Variants in ACAD10 observed in about 807,000 individuals in gnomAD.
ACAD10 encodes ACAD-10.
ACAD10 carries 112 observed loss-of-function variants against 116.8 expected under a neutral mutation model. The observed-to-expected ratio is 0.96, with a 90% CI of 0.82 to 1.12. The LOEUF (loss-of-function observed/expected upper bound fraction) is 1.12, where lower values mean the gene tolerates loss of function less well. Among genes scored for constraint, ACAD10 ranks in the 50% most tolerant of loss-of-function variants. The pLI is 0.00. For missense variants in ACAD10, 1,259 were observed against 1,350.2 expected, an observed-to-expected ratio of 0.93 and a Z score of 1.06; for synonymous variants, 486 against 510.6, an observed-to-expected ratio of 0.95 and a Z score of 0.65.
At chr12:111,717,769 G>C (rs1160297733) in intron 7 of ACAD10, among the ~76,000 whole-genome samples, 1 of 151,954 alleles carries the variant, frequency 6.6e-6, no homozygotes, top group East Asian at 1.9e-4. Flanking sequence ...TATATTGCCT[G>C]AACTCTTGGC....
chr12:111,692,174 G>A (rs1055332619), intron 1 of ACAD10, among the ~76,000 whole-genome samples: 2 of 152,166 alleles, frequency 1.3e-5, no homozygotes, highest in Admixed American at 1.3e-4. Context: ...CTCCATGTTG[G>A]TCAGGCTGGT....
chr12:111,691,758 G>T (rs1051965348), intron 1 of ACAD10, among the ~76,000 whole-genome samples: 22 of 151,494 alleles, frequency 1.5e-4, no homozygotes, highest in Admixed American at 1.4e-3. Flanking sequence ...CCATGCCCAG[G>T]TTATTTTTGT....
At chr12:111,698,256 C>T (rs751880104) in intron 2 of ACAD10, among the ~76,000 whole-genome samples, 39 of 150,052 alleles carry the variant, frequency 2.6e-4, no homozygotes, top group Admixed American at 8.6e-4. Flanking sequence ...CCTCAGGGTT[C>T]CAAAGTGCTG....
chr12:111,756,033 A>G (rs1228687037), intron 20 of ACAD10: 6 of 997,544 alleles, frequency 6.0e-6, no homozygotes, highest in African/African-American at 3.3e-5. Flanking sequence ...TTGGGTTTTC[A>G]TAAGCCCAGA....
intron 4 of ACAD10, among the ~76,000 whole-genome samples, chr12:111,708,574 C>A (rs1888578325): frequency 6.6e-6 from 1 of 152,078 alleles, no homozygotes; most frequent in East Asian, 1.9e-4. Context: ...TCTCACCCAA[C>A]CCAGAATGCA....
intron 8 of ACAD10, among the ~76,000 whole-genome samples, chr12:111,723,002 G>C (rs1323646952): frequency 1.3e-5 from 2 of 149,590 alleles, no homozygotes; most frequent in East Asian, 2.0e-4. Context: ...GGGGCGGGTG[G>C]CCGGGCGGGG....
chr12:111,744,557 T>C, intron 12 of ACAD10, 86 bp from the exon 13 acceptor site: 1 of 1,502,284 alleles, frequency 6.7e-7, no homozygotes, highest in Non-Finnish European at 9.0e-7. Context: ...TGGCAATAGC[T>C]GCTGAAGTGA....
At chr12:111,744,543 C>T (rs1889833372) in intron 12 of ACAD10, 100 bp from the exon 13 acceptor site, 1 of 1,441,352 alleles carries the variant, frequency 6.9e-7, no homozygotes, top group Admixed American at 2.0e-5. Context: ...AAGTGCTCAG[C>T]AAATGGCAAT....
chr12:111,721,162 T>C (rs630616), intron 7 of ACAD10, among the ~76,000 whole-genome samples: 27,258 of 152,198 alleles, frequency 0.18, 2,538 homozygotes, highest in East Asian at 0.28. Context: ...GGTCTACAAT[T>C]TCACCATTGG....
intron 8 of ACAD10, among the ~76,000 whole-genome samples, chr12:111,727,384 C>T (rs371943929): frequency 5.3e-5 from 8 of 151,932 alleles, no homozygotes; most frequent in South Asian, 4.1e-4. Flanking sequence ...ATTAGCCGGG[C>T]GTGGTGGCGG....
chr12:111,716,871 A>G (rs1888860468), intron 7 of ACAD10, among the ~76,000 whole-genome samples: 1 of 152,204 alleles, frequency 6.6e-6, no homozygotes. Context: ...AACAAACAAA[A>G]GAGTTTGGAA....
chr12:111,689,620 G>A (rs1463551701), intron 1 of ACAD10, among the ~76,000 whole-genome samples: 14 of 151,866 alleles, frequency 9.2e-5, no homozygotes, highest in Admixed American at 5.9e-4. Context: ...CAGGTGATCC[G>A]CCTACATTAG....
intron 1 of ACAD10, 33 bp from the exon 2 acceptor site, chr12:111,692,664 G>A: frequency 6.3e-7 from 1 of 1,585,368 alleles, no homozygotes; most frequent in South Asian, 1.2e-5. Flanking sequence ...GGCAGTGCAG[G>A]CAAGTAACGC....
At chr12:111,701,713 C>G (rs187717480) in intron 2 of ACAD10, among the ~76,000 whole-genome samples, 1 of 152,030 alleles carries the variant, frequency 6.6e-6, no homozygotes. Context: ...GCATTTCAGG[C>G]GAACATTTCA....
At chr12:111,710,277 A>T in intron 5 of ACAD10, 1 of 453,996 alleles carries the variant, frequency 2.2e-6, no homozygotes, top group Non-Finnish European at 4.4e-6. Flanking sequence ...TTGTAGAGAC[A>T]GGGTTTTGCC....
chr12:111,686,918 A>G (rs1341516573), intron 1 of ACAD10, among the ~76,000 whole-genome samples: 3 of 152,204 alleles, frequency 2.0e-5, no homozygotes, highest in African/African-American at 4.8e-5. Context: ...GCAGTTGTGC[A>G]GTCTTGAACT....
At chr12:111,714,966 T>C (rs1481200211) in intron 6 of ACAD10, among the ~76,000 whole-genome samples, 1 of 152,168 alleles carries the variant, frequency 6.6e-6, no homozygotes, top group African/African-American at 2.4e-5. Flanking sequence ...TCTACCCGCC[T>C]TGGCCTCCCA....
chr12:111,697,586 T>G (rs970357621), intron 2 of ACAD10, among the ~76,000 whole-genome samples: 1 of 142,764 alleles, frequency 7.0e-6, no homozygotes, highest in South Asian at 2.2e-4. Flanking sequence ...GTCTCTCTCT[T>G]TTTTTTTTTT....
Position 111,756,506 on chromosome 12 carries a change from C to A in ACAD10, c.*33C>A. On this transcript the variant is annotated 3_prime_UTR_variant, in exon 21 of 21. Coordinates refer to ENST00000313698, the MANE Select transcript of ACAD10 (RefSeq NM_025247.6). ...GGGCTGCAGTGGCTCAATGTCCTGGCTGGTCCAGCTGTGCCCAGATCTGTC... is the reference window on the plus strand; with the variant it reads ...GGGCTGCAGTGGCTCAATGTCCTGGATGGTCCAGCTGTGCCCAGATCTGTC... The A allele has an allele frequency of 3.1e-6, 5 of 1,606,132 alleles. No homozygotes were observed. Among genetic ancestry groups the A allele is most frequent in the Non-Finnish European group, 4.2e-6 (5 of 1,178,366 alleles).
Sources: gnomAD v4.1 joint callset for allele counts (sites outside exome capture counted in the v4.1 genomes callset) on GRCh38, gnomAD v4.1.1 for gene constraint, MANE v1.5 for transcripts, NCBI Gene and HGNC (gene_info 2026-07-23, HGNC 2026-07-21) for gene names.